Variants in DARS1 observed in about 807,000 individuals in gnomAD.
DARS1 encodes aspartyl-tRNA synthetase 1, also known as aspartate--tRNA ligase, cytoplasmic.
DARS1 carries 51 observed loss-of-function variants against 68.8 expected under a neutral mutation model. The ratio of observed to expected loss-of-function variants is 0.74; its 90% CI spans 0.59 to 0.94. The LOEUF (loss-of-function observed/expected upper bound fraction) is 0.94. Among genes scored for constraint, DARS1 ranks in the 40% least tolerant of loss-of-function variants. The pLI is 0.00. For missense variants in DARS1, 607 were observed against 597.3 expected (o/e 1.02, Z -0.17); for synonymous variants, 203 against 190.4 (o/e 1.07, Z -0.55).
chr2:135,975,331 C>T (rs1437958067), intron 3 of DARS1, among the ~76,000 whole-genome samples: 3 of 151,654 alleles, frequency 2.0e-5, no homozygotes, highest in African/African-American at 7.3e-5. Flanking sequence ...GGCGACAGAG[C>T]GAGACTCTGT....
intron 10 of DARS1, among the ~76,000 whole-genome samples, chr2:135,918,465 G>A (rs1025332807): frequency 1.3e-5 from 2 of 152,044 alleles, no homozygotes; most frequent in African/African-American, 4.8e-5. Flanking sequence ...ACATGACACA[G>A]GTCAGATAAC....
intron 5 of DARS1, among the ~76,000 whole-genome samples, chr2:135,942,795 T>A (rs530524212): frequency 6.6e-6 from 1 of 152,304 alleles, no homozygotes; most frequent in Non-Finnish European, 1.5e-5. Flanking sequence ...TTTTTCCCTA[T>A]GTGGCTGTGG....
chr2:135,976,457 A>C lies in DARS1; in HGVS notation c.217+2817T>G, dbSNP rs555199837. 6.2e-4 allele frequency among the ~76,000 whole-genome samples: 95 copies of C among 152,336 alleles called. 1 individual carries two copies. Among genetic ancestry groups the C allele is most frequent in the Non-Finnish European group, 4.4e-4 (30 of 68,026 alleles). On this transcript the variant is annotated intron_variant, in intron 3 of 15. Coordinates refer to ENST00000264161, the MANE Select transcript of DARS1 (RefSeq NM_001349.4). ...CTCTTAAGAAAGTTTTAAACCGTTC[A>C]GTCTGTTCATAACATTGACACTCAT...
Position 135,959,952 on chromosome 2 carries a change from T to C in DARS1, c.320+1444A>G, listed in dbSNP as rs140756448. Among the ~76,000 whole-genome samples the C allele has an allele frequency of 3.5e-3, 529 of 152,362 alleles. 3 individuals are homozygous for C. The highest frequency in any genetic ancestry group is 0.028 in the South Asian group (133 of 4,830). ...TTCCAGTATTTTTCAGTATATTTAA[T>C]AGAATTTAGCATCTATGTCTGCGGT... On this transcript the variant is annotated intron_variant, in intron 4 of 15. Transcript: ENST00000264161.
At chr2:135,933,857 T>C in intron 6 of DARS1, 53 bp downstream of exon 6, 2 of 1,563,134 alleles carry the variant, frequency 1.3e-6, no homozygotes, top group Non-Finnish European at 1.7e-6. Flanking sequence ...TTTCAATGTT[T>C]TGCAAACTAA....
Position 135,906,953 on chromosome 2 carries a change from T to C in DARS1, c.*363A>G, listed in dbSNP as rs914977915. 2 of 154,516 alleles carry C rather than the reference T, an allele frequency of 1.3e-5. No individual in the cohort carries two copies. Among genetic ancestry groups the C allele is most frequent in the African/African-American group, 4.8e-5 (2 of 41,506 alleles). The allele number at this position is 154,516 out of a possible 1,614,324, so 9.6% of individuals were successfully genotyped here. A position where few individuals can be genotyped will look rare whatever the true frequency, so the allele number is the denominator to read the frequency against. ...TAAGACATTAACACTGGGGCCCTTGTAATATAGAAAAGAAGAAAAATTGTA... is the reference window on the plus strand; with the variant it reads ...TAAGACATTAACACTGGGGCCCTTGCAATATAGAAAAGAAGAAAAATTGTA... On this transcript the variant is annotated 3_prime_UTR_variant, in exon 16 of 16. Transcript: ENST00000264161.
rs77144439 is a variant in DARS1, at chr2:135,951,443, T to A, written c.321-7963A>T. ...ATTTTCCTTACCCCCACACATAAGT[T>A]GTAAGCAAACAGATAAGATTCATGT... On this transcript the variant is annotated intron_variant, in intron 4 of 15. Transcript: ENST00000264161. Among the ~76,000 whole-genome samples, 1,309 of 152,338 alleles carry A rather than the reference T, an allele frequency of 8.6e-3. 16 individuals carry two copies. Among genetic ancestry groups the A allele is most frequent in the African/African-American group, 0.028 (1,155 of 41,572 alleles).
chr2:135,945,134 T>G (rs1230757270), intron 4 of DARS1, among the ~76,000 whole-genome samples: 1 of 149,080 alleles, frequency 6.7e-6, no homozygotes, highest in Non-Finnish European at 1.5e-5. Context: ...CACATCTACT[T>G]TTTTTTTTTT....
At chr2:135,976,992 T>A (rs1682515896) in intron 3 of DARS1, among the ~76,000 whole-genome samples, 1 of 152,152 alleles carries the variant, frequency 6.6e-6, no homozygotes, top group South Asian at 2.1e-4. Flanking sequence ...TTTATTCATC[T>A]ATTATTCGGT....
At chr2:135,908,801 T>C (rs907659817) in intron 15 of DARS1, among the ~76,000 whole-genome samples, 10 of 152,186 alleles carry the variant, frequency 6.6e-5, no homozygotes, top group African/African-American at 2.4e-4. Flanking sequence ...TTAAGTTCCT[T>C]GTGGATTCTG....
rs1165479958 is a variant in DARS1, at chr2:135,985,016, A to G, written c.66+387T>C. On this transcript the variant is annotated intron_variant, in intron 1 of 15. Transcript: ENST00000264161. ...CATTACTTGCTAAAGCATTAGGAAC[A>G]CGAGGGCTGAGTACATATCGATTAC... 3.9e-5 allele frequency among the ~76,000 whole-genome samples: 6 copies of G among 152,250 alleles called. No individual in the cohort carries two copies. In the East Asian group the frequency reaches 1.2e-3, roughly 29 times the overall value.
At chr2:135,971,220 A>G (rs1442409866) in intron 3 of DARS1, among the ~76,000 whole-genome samples, 1 of 152,136 alleles carries the variant, frequency 6.6e-6, no homozygotes, top group Non-Finnish European at 1.5e-5. Flanking sequence ...AAATTCAACA[A>G]TACGGTAAAA....
chr2:135,964,584 T>TA (rs1475869678), intron 3 of DARS1, among the ~76,000 whole-genome samples: 2 of 152,164 alleles, frequency 1.3e-5, no homozygotes, highest in East Asian at 3.9e-4. Context: ...CTCACGCCTG[T>TA]AATCCCAGCA....
chr2:135,967,457 G>C (rs1682262530), intron 3 of DARS1, among the ~76,000 whole-genome samples: 1 of 152,248 alleles, frequency 6.6e-6, no homozygotes, highest in African/African-American at 2.4e-5. Flanking sequence ...TCAATATGCA[G>C]ACTTATGCTC....
intron 7 of DARS1, among the ~76,000 whole-genome samples, chr2:135,930,907 C>T (rs1034896618): frequency 6.6e-6 from 1 of 152,158 alleles, no homozygotes. Flanking sequence ...CCGTGCCAAT[C>T]TGGAATATGA....
intron 3 of DARS1, among the ~76,000 whole-genome samples, chr2:135,977,738 C>T (rs1211477440): frequency 6.6e-6 from 1 of 152,160 alleles, no homozygotes; most frequent in Non-Finnish European, 1.5e-5. Context: ...AATAGACAAA[C>T]TCTTAACAAT....
intron 4 of DARS1, among the ~76,000 whole-genome samples, chr2:135,955,997 T>C (rs1681966108): frequency 6.6e-6 from 1 of 152,172 alleles, no homozygotes; most frequent in Non-Finnish European, 1.5e-5. Context: ...GCTTCATTTA[T>C]AGGTCAAGCA....
intron 12 of DARS1, 86 bp from the exon 13 acceptor site, chr2:135,912,652 T>C (rs1680920962): frequency 1.7e-6 from 1 of 581,772 alleles, no homozygotes; most frequent in Non-Finnish European, 3.0e-6. Flanking sequence ...ACAAAAATTT[T>C]GGTTCTTCGT....
chr2:135,935,325 G>A (rs945132843), intron 5 of DARS1, among the ~76,000 whole-genome samples: 1 of 151,890 alleles, frequency 6.6e-6, no homozygotes, highest in Non-Finnish European at 1.5e-5. Context: ...GGCCAGGCGC[G>A]GTGGCTCACG....
Sources: allele counts gnomAD v4.1 joint callset (sites outside exome capture counted in the v4.1 genomes callset), GRCh38; gene constraint gnomAD v4.1.1; transcripts MANE v1.5; gene names NCBI Gene and HGNC (gene_info 2026-07-23, HGNC 2026-07-21).